N4BP2L1: variants seen among roughly 807,000 people sequenced by gnomAD.
N4BP2L1 encodes NEDD4-binding protein 2-like 1.
N4BP2L1 carries 12 observed loss-of-function variants against 21.2 expected under a neutral mutation model. The observed-to-expected ratio is 0.57, with a 90% CI of 0.36 to 0.92. The LOEUF (loss-of-function observed/expected upper bound fraction) is 0.92. N4BP2L1 is among the 40% of genes least tolerant of loss of function. The pLI, the probability that N4BP2L1 is intolerant of heterozygous loss-of-function variation, is 0.01. For synonymous variants in N4BP2L1, 104 were observed against 112.8 expected, an observed-to-expected ratio of 0.92 and a Z score of 0.49; for missense variants, 259 against 310.6, an observed-to-expected ratio of 0.83 and a Z score of 1.25.
chr13:32,407,102 A>G, intron 3 of N4BP2L1, 148 bp downstream of exon 3: 1 of 748,256 alleles, frequency 1.3e-6, no homozygotes. Flanking sequence ...GAGAAACACT[A>G]AAATAAAACC....
At chr13:32,407,937 G>A (rs1053821101) in intron 1 of N4BP2L1, among the ~76,000 whole-genome samples, 165 bp from the exon 2 acceptor site, 5 of 152,238 alleles carry the variant, frequency 3.3e-5, no homozygotes, top group Non-Finnish European at 7.3e-5. Context: ...ATTATGTCTA[G>A]AAGGCATCAC....
intron 3 of N4BP2L1, chr13:32,406,834 G>A (rs939535803): frequency 2.3e-5 from 4 of 171,576 alleles, no homozygotes; most frequent in African/African-American, 7.2e-5. Flanking sequence ...ACAGCACACA[G>A]TGTGGAAATT....
chr13:32,418,479 A>T (rs1311885569), intron 1 of N4BP2L1, among the ~76,000 whole-genome samples: 1 of 152,202 alleles, frequency 6.6e-6, no homozygotes, highest in Non-Finnish European at 1.5e-5. Flanking sequence ...AATCTCTGCT[A>T]GTGCAGTGCA....
rs539528208 is a variant in N4BP2L1, at chr13:32,407,436, TCTC to T, written c.308-101_308-99del. 8.8e-6 allele frequency: 14 copies of T among 1,599,494 alleles called. No individual in the cohort carries two copies. The South Asian group carries it at 1.3e-4, about 15-fold the overall frequency. On this transcript the variant is annotated intron_variant, in intron 2 of 4. Transcript: ENST00000380130. ...TCATTTTTATTACAGGATGCCCTCATCTCCTCATCACACAACTTCAGAGCCCAC... is the reference window on the plus strand; with the variant it reads ...TCATTTTTATTACAGGATGCCCTCATCTCATCACACAACTTCAGAGCCCAC...
Position 32,402,633 on chromosome 13 carries a change from C to T in N4BP2L1, c.*309G>A. 5.5e-6 allele frequency: 6 copies of T among 1,082,900 alleles called. No individual in the cohort carries two copies. The highest frequency in any genetic ancestry group is 6.7e-6 in the Non-Finnish European group (6 of 890,946). The allele number at this position is 1,082,900 out of a possible 1,614,324, so 67.1% of individuals were successfully genotyped here. On this transcript the variant is annotated 3_prime_UTR_variant, in exon 5 of 5. Coordinates refer to ENST00000380130, the MANE Select transcript of N4BP2L1 (RefSeq NM_052818.3). ...TACTGAAGCTTATATATAATATAAACACTTTATTTCATCTATGAACCTATG... is the reference window on the plus strand; with the variant it reads ...TACTGAAGCTTATATATAATATAAATACTTTATTTCATCTATGAACCTATG...
At chr13:32,407,041 G>T in intron 3 of N4BP2L1, 1 of 573,096 alleles carries the variant, frequency 1.7e-6, no homozygotes, top group Non-Finnish European at 3.1e-6. Context: ...TTTTTAAATT[G>T]TATCCTCAAG....
At chr13:32,403,887 CAA>C (rs1470292996) in intron 4 of N4BP2L1, 1 of 469,110 alleles carries the variant, frequency 2.1e-6, no homozygotes, top group African/African-American at 2.0e-5. Flanking sequence ...ATTCAATCAA[CAA>C]GTTAGTATTA....
At chr13:32,407,996 C>T (rs1413453067) in intron 1 of N4BP2L1, among the ~76,000 whole-genome samples, 1 of 152,190 alleles carries the variant, frequency 6.6e-6, no homozygotes, top group Admixed American at 6.5e-5. Flanking sequence ...TGTGTGTTGC[C>T]AGTCCTTGAA....
chr13:32,411,594 T>G, intron 1 of N4BP2L1: 1 of 985,126 alleles, frequency 1.0e-6, no homozygotes, highest in Non-Finnish European at 1.2e-6. Context: ...GTCAGGAGCC[T>G]CATGCATTAG....
At chr13:32,423,505 A>C (rs1488059466) in intron 1 of N4BP2L1, among the ~76,000 whole-genome samples, 1 of 152,246 alleles carries the variant, frequency 6.6e-6, no homozygotes, top group Non-Finnish European at 1.5e-5. Flanking sequence ...TAAGACCATG[A>C]AAAAACAAAG....
rs1044941326 is a variant in N4BP2L1 at position 32,401,550 on chromosome 13, T to C, written c.*1392A>G. On this transcript the variant is annotated 3_prime_UTR_variant, in exon 5 of 5. Transcript: ENST00000380130. ...CAGTCTCATGTACACAGATCAAATA[T>C]ATAAGCAACTAAATTATAAGGCTGC... 3 of 152,306 alleles carry C rather than the reference T, an allele frequency of 2.0e-5. No individual in the cohort carries two copies. Among genetic ancestry groups the C allele is most frequent in the African/African-American group, 7.2e-5 (3 of 41,440 alleles). The allele number at this position is 152,306 out of a possible 1,614,324, so 9.4% of individuals were successfully genotyped here.
intron 1 of N4BP2L1, among the ~76,000 whole-genome samples, chr13:32,421,980 G>A (rs1295911787): frequency 1.3e-5 from 2 of 152,166 alleles, no homozygotes; most frequent in Non-Finnish European, 1.5e-5. Context: ...ATCCTAACAT[G>A]TGAGCAGATG....
chr13:32,411,448 A>G (rs2073853565), intron 1 of N4BP2L1: 1 of 889,554 alleles, frequency 1.1e-6, no homozygotes, highest in African/African-American at 1.8e-5. Context: ...GCAGGACAAT[A>G]AAAACTCTAC....
intron 1 of N4BP2L1, among the ~76,000 whole-genome samples, chr13:32,416,329 G>A (rs987805260): frequency 3.9e-5 from 6 of 152,312 alleles, no homozygotes; most frequent in South Asian, 2.1e-4. Flanking sequence ...TAGGGCCAAC[G>A]AGTGGTACAA....
intron 1 of N4BP2L1, among the ~76,000 whole-genome samples, chr13:32,424,719 G>A (rs920365621): frequency 7.2e-5 from 11 of 152,138 alleles, no homozygotes; most frequent in African/African-American, 1.7e-4. Context: ...AATGAAACAC[G>A]GGTGATAAAG....
In N4BP2L1 at chr13:32,407,714, T is replaced by C; in HGVS notation, c.238A>G (p.Arg80Gly). The C allele has an allele frequency of 6.2e-7, 1 of 1,609,144 alleles. No homozygotes were observed. The highest frequency in any genetic ancestry group is 8.5e-7 in the Non-Finnish European group (1 of 1,178,308). The change falls in exon 2 of 5, where the codon AGG becomes GGG. Residue 80 changes from arginine (R) to glycine (G), a missense_variant. This residue lies in a region of N4BP2L1 where 91 missense variants were observed against 148.1 expected (regional missense o/e 0.61). Coordinates refer to ENST00000380130, the MANE Select transcript of N4BP2L1 (RefSeq NM_052818.3). ...LIFSTDDFFF[R>G]EDGAYEFNPD... Reference sequence around the variant, plus strand: ...TTGAACTCATAGGCACCATCTTCCCTGAAGAAAAAATCATCCGTGCTGAAA... The same window carrying C: ...TTGAACTCATAGGCACCATCTTCCCCGAAGAAAAAATCATCCGTGCTGAAA...
At chr13:32,406,634 C>A (rs1400984090) in intron 3 of N4BP2L1, 2 of 152,188 alleles carry the variant, frequency 1.3e-5, no homozygotes, top group Non-Finnish European at 2.9e-5. Context: ...CATGCCCCGG[C>A]TATTTTTGTA....
At chr13:32,421,770 G>C (rs2074490388) in intron 1 of N4BP2L1, among the ~76,000 whole-genome samples, 1 of 152,100 alleles carries the variant, frequency 6.6e-6, no homozygotes, top group Non-Finnish European at 1.5e-5. Flanking sequence ...TGAAGGAACA[G>C]TTGGAAGGCA....
At chr13:32,409,436 G>A (rs1252754639) in intron 1 of N4BP2L1, among the ~76,000 whole-genome samples, 2 of 152,180 alleles carry the variant, frequency 1.3e-5, no homozygotes, top group Non-Finnish European at 2.9e-5. Flanking sequence ...GTAGCTTTGC[G>A]GGGAAATGCG....
Sources: gnomAD v4.1 joint callset for allele counts (sites outside exome capture counted in the v4.1 genomes callset) on GRCh38, gnomAD v4.1.1 for gene constraint, gnomAD v4.1.1 regional missense constraint, MANE v1.5 for transcripts, NCBI Gene and HGNC (gene_info 2026-07-23, HGNC 2026-07-21) for gene names.